HLA-E: variants seen among roughly 807,000 people sequenced by gnomAD.
HLA-E encodes the protein major histocompatibility complex, class I, E.
Under a neutral mutation model 43.4 loss-of-function variants are expected in HLA-E, and 25 were observed. The observed-to-expected ratio is 0.58, with a 90% CI of 0.42 to 0.80. HLA-E has a LOEUF of 0.80. Among genes scored for constraint, HLA-E ranks in the 30% least tolerant of loss-of-function variants. The pLI, the probability that HLA-E is intolerant of heterozygous loss-of-function variation, is 0.00. For missense variants in HLA-E, 343 were observed against 470.0 expected (o/e 0.73, Z 2.50); for synonymous variants, 161 against 197.6 (o/e 0.81, Z 1.55).
Position 30,491,609 on chromosome 6 carries a change from C to G in HLA-E, c.959C>G (p.Ser320Cys). 6.2e-7 allele frequency: 1 copy of G among 1,613,470 alleles called. No individual in the cohort carries two copies. The highest frequency in any genetic ancestry group is 8.5e-7 in the Non-Finnish European group (1 of 1,179,974). ...CTGGTTCTCCTTGGATCTGTGGTCT[C>G]TGGAGCTGTGGTTGCTGCTGTGATA... Reference protein sequence around the residue: ...AGLVLLGSVVSGAVVAAVIWR... With the variant: ...AGLVLLGSVVCGAVVAAVIWR... The change falls in exon 5 of 8, where the codon TCT becomes TGT. Residue 320 changes from serine to cysteine, a missense_variant. Ser to Cys is a moderately radical substitution (Grantham distance 112). Around this residue, in one of 3 missense-constraint regions of HLA-E, gnomAD observed 190 missense variants for 283.6 expected, o/e 0.67. Transcript: ENST00000376630. The surrounding 1 kb of genome is among the most constrained non-coding windows in gnomAD (Gnocchi z 5.4).
Position 30,491,662 on chromosome 6 carries a change from G to A in HLA-E, c.1003+9G>A. On this transcript the variant is annotated intron_variant, in intron 5 of 7. Coordinates refer to ENST00000376630, the MANE Select transcript of HLA-E (RefSeq NM_005516.6). This position sits in a 1 kb window ranked among gnomAD's most constrained non-coding sequence, Gnocchi z 5.4. ...GAGGAAGAAGAGCTCAGGTGGGGAA[G>A]GGAGAAGGGTGGGGTCTGAGTTTTC... The A allele has an allele frequency of 6.2e-7, 1 of 1,606,612 alleles. No individual in the cohort carries two copies. The highest frequency in any genetic ancestry group is 1.1e-5 in the South Asian group (1 of 90,882).
chr6:30,490,296 C>T lies in HLA-E; in HGVS notation c.391C>T (p.Leu131Phe). ...CGAGCTGGGGCCCGACGGGCGCTTCCTCCGCGGGTATGAACAGTTCGCCTA... is the reference window on the plus strand; with the variant it reads ...CGAGCTGGGGCCCGACGGGCGCTTCTTCCGCGGGTATGAACAGTTCGCCTA... ...GCELGPDGRF[L>F]RGYEQFAYDG... The change falls in exon 3 of 8, where the codon CTC (leucine) becomes TTC (phenylalanine). Residue 131 changes from leucine (L) to phenylalanine (F), a missense_variant. Coordinates refer to ENST00000376630, the MANE Select transcript of HLA-E (RefSeq NM_005516.6). The surrounding 1 kb of genome is among the most constrained non-coding windows in gnomAD (Gnocchi z 6.6). 1 of 1,613,110 alleles carries T rather than the reference C, an allele frequency of 6.2e-7. No individual in the cohort carries two copies. Among genetic ancestry groups the T allele is most frequent in the Non-Finnish European group, 8.5e-7 (1 of 1,180,032 alleles).
rs1796569497 is a variant in HLA-E, at chr6:30,491,923, A to G, written c.1003+270A>G. Among the ~76,000 whole-genome samples the G allele has an allele frequency of 6.6e-6, 1 of 151,706 alleles. No individual in the cohort carries two copies. Among genetic ancestry groups the G allele is most frequent in the Non-Finnish European group, 1.5e-5 (1 of 67,922 alleles). Reference sequence around the variant, plus strand: ...GCAATTCTCCTGCCTCAGCCTCCCTAGTAGCTGGGACTACACATGCGTGCC... The same window carrying G: ...GCAATTCTCCTGCCTCAGCCTCCCTGGTAGCTGGGACTACACATGCGTGCC... On this transcript the variant is annotated intron_variant, in intron 5 of 7. Transcript: ENST00000376630. The surrounding 1 kb of genome is among the most constrained non-coding windows in gnomAD (Gnocchi z 5.4).
chr6:30,491,355 A>G lies in HLA-E; in HGVS notation c.829A>G (p.Arg277Gly). 1.2e-6 allele frequency: 2 copies of G among 1,614,154 alleles called. No individual in the cohort carries two copies. The highest frequency in any genetic ancestry group is 1.7e-6 in the Non-Finnish European group (2 of 1,180,026). The change falls in exon 4 of 8, where the codon AGA becomes GGA. Residue 277 changes from arginine to glycine, a missense_variant. Around this residue, in one of 3 missense-constraint regions of HLA-E, gnomAD observed 190 missense variants for 283.6 expected, o/e 0.67. Transcript: ENST00000376630. The surrounding 1 kb of genome is among the most constrained non-coding windows in gnomAD (Gnocchi z 5.4). ...GGTGGTGCCTTCTGGAGAGGAGCAG[A>G]GATACACGTGCCATGTGCAGCATGA... ...AVVVPSGEEQ[R>G]YTCHVQHEGL...
Position 30,492,090 on chromosome 6 carries a change from C to T in HLA-E, c.1004-314C>T, listed in dbSNP as rs754927649. Among the ~76,000 whole-genome samples the T allele has an allele frequency of 2.0e-5, 3 of 152,038 alleles. No homozygotes were observed. The highest frequency in any genetic ancestry group is 1.9e-4 in the East Asian group (1 of 5,194). On this transcript the variant is annotated intron_variant, in intron 5 of 7. Coordinates refer to ENST00000376630, the MANE Select transcript of HLA-E (RefSeq NM_005516.6). The surrounding 1 kb of genome is among the most constrained non-coding windows in gnomAD (Gnocchi z 4.5). The stretch of plus-strand genomic sequence containing the variant: ...TGCTGGGATTACAGTCGTGAGCCAC[C>T]GCACCCAGCCGCACCTACTCTTTTG...
chr6:30,490,276 T>G lies in HLA-E; in HGVS notation c.371T>G (p.Leu124Arg). ...HTLQWMHGCELGPDGRFLRGY... is the reference protein window; with the variant it reads ...HTLQWMHGCERGPDGRFLRGY... ...CTGCAGTGGATGCATGGCTGCGAGC[T>G]GGGGCCCGACGGGCGCTTCCTCCGC... The change falls in exon 3 of 8, where the codon CTG becomes CGG. Residue 124 changes from leucine to arginine, a missense_variant. Leu to Arg is a moderately radical substitution (Grantham distance 102). Transcript: ENST00000376630. The surrounding 1 kb of genome is among the most constrained non-coding windows in gnomAD (Gnocchi z 6.6). 6.2e-7 allele frequency: 1 copy of G among 1,612,956 alleles called. No individual in the cohort carries two copies. The highest frequency in any genetic ancestry group is 8.5e-7 in the Non-Finnish European group (1 of 1,179,954).
rs924635081 is a variant in HLA-E, at chr6:30,493,483, T to G, written c.*737T>G. The G allele has an allele frequency of 6.6e-6, 1 of 152,208 alleles. No individual in the cohort carries two copies. The highest frequency in any genetic ancestry group is 1.5e-5 in the Non-Finnish European group (1 of 68,040). The allele number at this position is 152,208 out of a possible 1,614,324, so 9.4% of individuals were successfully genotyped here. ...TCCTTACCACCTGTAATCTTGACCA[T>G]ATACCTTGGAGTTGAATATTGTTTT... On this transcript the variant is annotated 3_prime_UTR_variant, in exon 8 of 8. Coordinates refer to ENST00000376630, the MANE Select transcript of HLA-E (RefSeq NM_005516.6). The surrounding 1 kb of genome is among the most constrained non-coding windows in gnomAD (Gnocchi z 5.5).
rs1796682146 is a variant in HLA-E, at chr6:30,493,576, CTGAAAGGTGGGGCCTT to C, written c.*834_*849del. On this transcript the variant is annotated 3_prime_UTR_variant, in exon 8 of 8. Coordinates refer to ENST00000376630, the MANE Select transcript of HLA-E (RefSeq NM_005516.6). The surrounding 1 kb of genome is among the most constrained non-coding windows in gnomAD (Gnocchi z 5.5). The stretch of plus-strand genomic sequence containing the variant: ...AGACTTAATCCCTAATGTGGCAATA[CTGAAAGGTGGGGCCTT>C]TGAGATGTGATTGGATCGTAAGGCT... 6.6e-6 allele frequency: 1 copy of C among 152,214 alleles called. No individual in the cohort carries two copies. Among genetic ancestry groups the C allele is most frequent in the African/African-American group, 2.4e-5 (1 of 41,442 alleles). The allele number at this position is 152,214 out of a possible 1,614,324, so 9.4% of individuals were successfully genotyped here.
In HLA-E at chr6:30,491,059, C is replaced by T; in HGVS notation, c.611-78C>T. ...CTACTATAATTGTCCTCTTCCTTCT[C>T]AGGATGGTCACATGGGTGCTGCTGG... is the stretch of plus-strand genomic sequence containing the variant. On this transcript the variant is annotated intron_variant, in intron 3 of 7. Transcript: ENST00000376630. The surrounding 1 kb of genome is among the most constrained non-coding windows in gnomAD (Gnocchi z 5.4). The T allele has an allele frequency of 2.6e-6, 4 of 1,554,800 alleles. No homozygotes were observed. The highest frequency in any genetic ancestry group is 2.6e-6 in the Non-Finnish European group (3 of 1,142,596).
rs887710410 is a variant in HLA-E, at chr6:30,493,797, G to A, written c.*1051G>A. ...CACAGAGGGCCCCCACCAGGGAAATGTCTAGTGTCTAGTGGATCCAGGCCA... is the reference window on the plus strand; with the variant it reads ...CACAGAGGGCCCCCACCAGGGAAATATCTAGTGTCTAGTGGATCCAGGCCA... On this transcript the variant is annotated 3_prime_UTR_variant, in exon 8 of 8. Transcript: ENST00000376630. This position sits in a 1 kb window ranked among gnomAD's most constrained non-coding sequence, Gnocchi z 5.5. 10 of 152,674 alleles carry A rather than the reference G, an allele frequency of 6.5e-5. No individual in the cohort carries two copies. The highest frequency in any genetic ancestry group is 2.2e-4 in the African/African-American group (9 of 41,580). The allele number at this position is 152,674 out of a possible 1,614,324, so 9.5% of individuals were successfully genotyped here. A position where few individuals can be genotyped will look rare whatever the true frequency, so the allele number is the denominator to read the frequency against.
In HLA-E at chr6:30,489,764, C is replaced by T; in HGVS notation, c.103C>T (p.Arg35Trp). ...SLKYFHTSVS[R>W]PGRGEPRFIS... ...GAAGTATTTCCACACTTCCGTGTCC[C>T]GGCCCGGCCGCGGGGAGCCCCGCTT... Residue 35 changes from arginine (R) to tryptophan (W), a missense_variant, in exon 2 of 8, where the codon CGG becomes TGG. Arg to Trp is a moderately radical substitution (Grantham distance 101). This residue lies in a region of HLA-E where 94 missense variants were observed against 144.4 expected (regional missense o/e 0.65). Transcript: ENST00000376630. The surrounding 1 kb of genome is among the most constrained non-coding windows in gnomAD (Gnocchi z 5.6). 2.5e-6 allele frequency: 4 copies of T among 1,612,798 alleles called. No individual in the cohort carries two copies. The highest frequency in any genetic ancestry group is 3.4e-6 in the Non-Finnish European group (4 of 1,179,926).
rs772010165 is a variant in HLA-E, at chr6:30,492,354, T to A, written c.1004-50T>A. 27 of 1,604,238 alleles carry A rather than the reference T, an allele frequency of 1.7e-5. No homozygotes were observed. The highest frequency in any genetic ancestry group is 7.7e-6 in the Non-Finnish European group (9 of 1,171,138). On this transcript the variant is annotated intron_variant, in intron 5 of 7. Transcript: ENST00000376630. The surrounding 1 kb of genome is among the most constrained non-coding windows in gnomAD (Gnocchi z 4.5). Reference sequence around the variant, plus strand: ...AAACTAGGAGGTTCCTCTAGGACCTTATGGCCCTGCCTCCTCCCTGGCCCC... The same window carrying A: ...AAACTAGGAGGTTCCTCTAGGACCTAATGGCCCTGCCTCCTCCCTGGCCCC...
Position 30,490,031 on chromosome 6 carries a change from C to A in HLA-E, c.334+36C>A, listed in dbSNP as rs766495046. 6.3e-7 allele frequency: 1 copy of A among 1,575,300 alleles called. No homozygotes were observed. The highest frequency in any genetic ancestry group is 8.6e-7 in the Non-Finnish European group (1 of 1,156,398). The stretch of plus-strand genomic sequence containing the variant: ...CCGGCCAGGGGAGCAGGTCACGACC[C>A]CTCCCCATCCCCCACGGACGGCGCG... On this transcript the variant is annotated intron_variant, in intron 2 of 7. Transcript: ENST00000376630. The surrounding 1 kb of genome is among the most constrained non-coding windows in gnomAD (Gnocchi z 6.6).
Position 30,491,882 on chromosome 6 carries a change from C to T in HLA-E, c.1003+229C>T, listed in dbSNP as rs778965199. On this transcript the variant is annotated intron_variant, in intron 5 of 7. Transcript: ENST00000376630. The surrounding 1 kb of genome is among the most constrained non-coding windows in gnomAD (Gnocchi z 5.4). ...CGTGGTTTCAGCTCACTGCAACCTC[C>T]GCCTCCCAGGTTCAAGCAATTCTCC... Among the ~76,000 whole-genome samples the T allele has an allele frequency of 3.3e-5, 5 of 152,074 alleles. No homozygotes were observed. The highest frequency in any genetic ancestry group is 7.4e-5 in the Non-Finnish European group (5 of 67,998).
rs1228296801 is a variant in HLA-E, at chr6:30,491,000, G to A, written c.611-137G>A. Reference sequence around the variant, plus strand: ...ATAAGAGGCTATCCCAGATCCCTAAGTCCAGGCTGGTGTCAAGGTTTTGTC... The same window carrying A: ...ATAAGAGGCTATCCCAGATCCCTAAATCCAGGCTGGTGTCAAGGTTTTGTC... On this transcript the variant is annotated intron_variant, in intron 3 of 7. Coordinates refer to ENST00000376630, the MANE Select transcript of HLA-E (RefSeq NM_005516.6). This position sits in a 1 kb window ranked among gnomAD's most constrained non-coding sequence, Gnocchi z 6.6. 2.4e-6 allele frequency: 3 copies of A among 1,235,662 alleles called. No homozygotes were observed. Among genetic ancestry groups the A allele is most frequent in the East Asian group, 4.7e-5 (2 of 42,550 alleles). 76.5% of individuals were successfully genotyped at this position (1,235,662 alleles called of 1,614,324 possible).
rs996930363 is a variant in HLA-E, at chr6:30,492,101, G to A, written c.1004-303G>A. Among the ~76,000 whole-genome samples, 4 of 151,848 alleles carry A rather than the reference G, an allele frequency of 2.6e-5. No homozygotes were observed. Among genetic ancestry groups the A allele is most frequent in the Non-Finnish European group, 4.4e-5 (3 of 67,946 alleles). On this transcript the variant is annotated intron_variant, in intron 5 of 7. Transcript: ENST00000376630. The surrounding 1 kb of genome is among the most constrained non-coding windows in gnomAD (Gnocchi z 4.5). ...CAGTCGTGAGCCACCGCACCCAGCC[G>A]CACCTACTCTTTTGTAAAGCACCTG...
Position 30,491,641 on chromosome 6 carries a change from A to C in HLA-E, c.991A>C (p.Lys331Gln). 6.2e-7 allele frequency: 1 copy of C among 1,612,514 alleles called. No homozygotes were observed. Among genetic ancestry groups the C allele is most frequent in the Non-Finnish European group, 8.5e-7 (1 of 1,179,486 alleles). ...GAVVAAVIWR[K>Q]KSSGGKGGSY... ...TGTGGTTGCTGCTGTGATATGGAGG[A>C]AGAAGAGCTCAGGTGGGGAAGGGAG... Residue 331 changes from lysine (K) to glutamine (Q), a missense_variant, in exon 5 of 8, where the codon AAG becomes CAG. Lys to Gln is a moderately conservative substitution (Grantham distance 53). Transcript: ENST00000376630. The surrounding 1 kb of genome is among the most constrained non-coding windows in gnomAD (Gnocchi z 5.4).
Position 30,489,574 on chromosome 6 carries a change from G to A in HLA-E, c.43G>A (p.Ala15Thr), listed in dbSNP as rs1440324968. ...TLLLLLSEAL[A>T]LTQTWAGSHS... ...CCTTTTACTCCTCTCGGAGGCCCTG[G>A]CCCTTACCCAGACCTGGGCGGGTGA... The change falls in exon 1 of 8, where the codon GCC becomes ACC. Residue 15 changes from alanine to threonine, a missense_variant. Around this residue, in one of 3 missense-constraint regions of HLA-E, gnomAD observed 94 missense variants for 144.4 expected, o/e 0.65. Coordinates refer to ENST00000376630, the MANE Select transcript of HLA-E (RefSeq NM_005516.6). The surrounding 1 kb of genome is among the most constrained non-coding windows in gnomAD (Gnocchi z 5.6). 2 of 1,551,276 alleles carry A rather than the reference G, an allele frequency of 1.3e-6. No individual in the cohort carries two copies. The highest frequency in any genetic ancestry group is 2.7e-5 in the African/African-American group (2 of 72,832).
chr6:30,492,663 A>C lies in HLA-E; in HGVS notation c.*2+80A>C. The C allele has an allele frequency of 2.1e-6, 3 of 1,414,654 alleles. No individual in the cohort carries two copies. Among genetic ancestry groups the C allele is most frequent in the Non-Finnish European group, 3.0e-6 (3 of 1,015,974 alleles). The allele number at this position is 1,414,654 out of a possible 1,614,324, so 87.6% of individuals were successfully genotyped here. ...GGGTTGTGGGGATTTTTTGATTCAG[A>C]ATTTTTGAGTGTGTGGTGGGCTGTT... On this transcript the variant is annotated intron_variant, in intron 7 of 7. Coordinates refer to ENST00000376630, the MANE Select transcript of HLA-E (RefSeq NM_005516.6). The surrounding 1 kb of genome is among the most constrained non-coding windows in gnomAD (Gnocchi z 4.5).
Sources: gnomAD v4.1 joint callset for allele counts (sites outside exome capture counted in the v4.1 genomes callset) on GRCh38, gnomAD v4.1.1 for gene constraint, gnomAD v4.1.1 regional missense constraint, Gnocchi (gnomAD v3.1) non-coding constraint, MANE v1.5 for transcripts, NCBI Gene and HGNC (gene_info 2026-07-23, HGNC 2026-07-21) for gene names.